Variants in RERE observed in about 807,000 individuals in gnomAD.
RERE encodes arginine-glutamic acid dipeptide repeats protein.
In RERE, 40 loss-of-function variants were observed where a neutral mutation model predicts 146.1. The observed-to-expected ratio is 0.27, with a 90% CI of 0.21 to 0.36. The LOEUF (loss-of-function observed/expected upper bound fraction) is 0.36. Among genes scored for constraint, RERE ranks in the 10% least tolerant of loss-of-function variants. The pLI is 1.00. For missense variants in RERE, 1,933 were observed against 2,138.7 expected (o/e 0.90, Z 1.90); for synonymous variants, 1,003 against 866.0 (o/e 1.16, Z -2.78).
chr1:8,701,138 A>G (rs987132601), intron 1 of RERE, among the ~76,000 whole-genome samples: 1 of 152,206 alleles, frequency 6.6e-6, no homozygotes, highest in Non-Finnish European at 1.5e-5. Flanking sequence ...AGTTAAAATG[A>G]AAAGCTAGTC....
intron 12 of RERE, among the ~76,000 whole-genome samples, chr1:8,368,901 CAAAAAAA>C (rs60362841): frequency 7.3e-6 from 1 of 137,288 alleles, no homozygotes; most frequent in Non-Finnish European, 1.6e-5. Context: ...TCCCCCACCT[CAAAAAAA>C]AAAAAAATTA....
chr1:8,470,000 C>A (rs1284555290), intron 10 of RERE, among the ~76,000 whole-genome samples: 2 of 152,180 alleles, frequency 1.3e-5, no homozygotes, highest in African/African-American at 4.8e-5. Context: ...ATGGCAGTTT[C>A]TCCTGAAGAA....
intron 12 of RERE, among the ~76,000 whole-genome samples, chr1:8,417,721 T>C (rs1643815834): frequency 6.6e-6 from 1 of 152,108 alleles, no homozygotes; most frequent in Non-Finnish European, 1.5e-5. Flanking sequence ...ATCCCCACAC[T>C]CACCCATACA....
intron 1 of RERE, among the ~76,000 whole-genome samples, chr1:8,658,236 C>T (rs972108871): frequency 1.3e-5 from 2 of 152,166 alleles, no homozygotes; most frequent in African/African-American, 2.4e-5. Flanking sequence ...ATACTATGTG[C>T]CAAGTGTTAG....
chr1:8,406,554 G>A (rs1053005479), intron 12 of RERE, among the ~76,000 whole-genome samples: 4 of 152,116 alleles, frequency 2.6e-5, no homozygotes, highest in Admixed American at 1.3e-4. Flanking sequence ...AATATTTGGA[G>A]AATCTGGGTA....
At chr1:8,486,129 C>G (rs1413454790) in intron 10 of RERE, among the ~76,000 whole-genome samples, 1 of 152,240 alleles carries the variant, frequency 6.6e-6, no homozygotes, top group South Asian at 2.1e-4. Context: ...TCATACATGT[C>G]TCTCAGTAAC....
Position 8,541,113 on chromosome 1 carries a change from T to C in RERE, c.830+101A>G, listed in dbSNP as rs545342581. 31 of 552,852 alleles carry C rather than the reference T, an allele frequency of 5.6e-5. No individual in the cohort carries two copies. In the South Asian group the frequency reaches 1.1e-3, roughly 20 times the overall value. 34.2% of individuals were successfully genotyped at this position (552,852 alleles called of 1,614,324 possible). ...ATTTTTTTTAAGTATGTTACTAGTG[T>C]ATGTCCAGAAGCATAAACTACACAC... On this transcript the variant is annotated intron_variant, in intron 7 of 22. Coordinates refer to ENST00000400908, the MANE Select transcript of RERE (RefSeq NM_001042681.2).
chr1:8,778,068 A>C (rs1641101644), intron 1 of RERE, among the ~76,000 whole-genome samples: 1 of 152,108 alleles, frequency 6.6e-6, no homozygotes, highest in Non-Finnish European at 1.5e-5. Flanking sequence ...ACAGCAGCTC[A>C]ATCATTCCTT....
chr1:8,431,546 G>T (rs1644096041), intron 11 of RERE, among the ~76,000 whole-genome samples: 1 of 152,100 alleles, frequency 6.6e-6, no homozygotes, highest in Admixed American at 6.5e-5. Flanking sequence ...TAATGCGCTT[G>T]AATCATCCTG....
In RERE at chr1:8,494,689, A is replaced by T. The variant is rs551430796; in HGVS notation, c.1104+374T>A. Among the ~76,000 whole-genome samples the T allele has an allele frequency of 9.9e-5, 15 of 152,264 alleles. 1 individual carries two copies. The highest frequency in any genetic ancestry group is 6.5e-4 in the Admixed American group (10 of 15,278). On this transcript the variant is annotated intron_variant, in intron 10 of 22. Coordinates refer to ENST00000400908, the MANE Select transcript of RERE (RefSeq NM_001042681.2). ...AGTGAGCTGAGATCGCGCCACTGCC[A>T]GAGCGAGACTCCATCTCAAAAAAAT...
intron 10 of RERE, among the ~76,000 whole-genome samples, chr1:8,475,121 C>T (rs1402792078): frequency 6.6e-6 from 1 of 152,168 alleles, no homozygotes; most frequent in Non-Finnish European, 1.5e-5. Flanking sequence ...CACCTGTAAT[C>T]CCAGAACTTT....
At chr1:8,449,938 G>C (rs1362800460) in intron 11 of RERE, among the ~76,000 whole-genome samples, 1 of 152,140 alleles carries the variant, frequency 6.6e-6, no homozygotes, top group Non-Finnish European at 1.5e-5. Context: ...CACTTTTATA[G>C]CTATACAACT....
chr1:8,614,540 T>C (rs1557436074), intron 4 of RERE, 21 bp downstream of exon 4: 1 of 1,601,252 alleles, frequency 6.2e-7, no homozygotes, highest in South Asian at 1.1e-5. Flanking sequence ...TGATAGCTTT[T>C]AAAAACGGGA....
At chr1:8,686,750 C>CA (rs577673269) in intron 1 of RERE, among the ~76,000 whole-genome samples, 46 of 147,044 alleles carry the variant, frequency 3.1e-4, no homozygotes, top group African/African-American at 6.5e-4. Flanking sequence ...AACTCAGTCT[C>CA]AAAAAAAAAA....
chr1:8,751,028 A>C, intron 1 of RERE: 1 of 620,018 alleles, frequency 1.6e-6, no homozygotes, highest in Non-Finnish European at 2.9e-6. Flanking sequence ...AAAATGCTTC[A>C]AGGAAGCAAA....
chr1:8,538,856 G>C (rs187716763), intron 7 of RERE, among the ~76,000 whole-genome samples: 295 of 152,254 alleles, frequency 1.9e-3, no homozygotes, highest in Non-Finnish European at 3.5e-3. Flanking sequence ...ATGTCTCTGT[G>C]TTCCTTATTG....
intron 2 of RERE, among the ~76,000 whole-genome samples, chr1:8,653,672 G>C (rs1432863796): frequency 7.9e-6 from 1 of 126,898 alleles, no homozygotes. Context: ...TCCAGCCTAA[G>C]CAACAGAGCG....
intron 1 of RERE, chr1:8,750,414 T>A: frequency 1.3e-6 from 1 of 758,006 alleles, no homozygotes; most frequent in Non-Finnish European, 2.3e-6. Context: ...CAGTAGCCTC[T>A]TTTTCCGGCT....
At chr1:8,649,089 T>C (rs535737778) in intron 2 of RERE, among the ~76,000 whole-genome samples, 1 of 152,234 alleles carries the variant, frequency 6.6e-6, no homozygotes, top group African/African-American at 2.4e-5. Flanking sequence ...GAAATTAATA[T>C]GCCACCTACA....
Sources: gnomAD v4.1 joint callset for allele counts (sites outside exome capture counted in the v4.1 genomes callset) on GRCh38, gnomAD v4.1.1 for gene constraint, MANE v1.5 for transcripts, NCBI Gene and HGNC (gene_info 2026-07-23, HGNC 2026-07-21) for gene names.